The following ANKRD17 variants were observed in gnomAD, a reference collection of about 807,000 sequenced individuals.
ANKRD17 encodes the protein ankyrin repeat domain 17.
ANKRD17 carries 19 observed loss-of-function variants against 229.7 expected under a neutral mutation model. The ratio of observed to expected loss-of-function variants is 0.08; its 90% confidence interval spans 0.06 to 0.12. ANKRD17 has a LOEUF of 0.12. Among genes scored for constraint, ANKRD17 ranks in the 10% least tolerant of loss-of-function variants. The pLI is 1.00. For synonymous variants in ANKRD17, 1,112 were observed against 1,146.1 expected (o/e 0.97, Z 0.60); for missense variants, 2,176 against 3,176.8 (o/e 0.68, Z 7.57).
At chr4:73,251,571 GTAGGT>G (rs1174150417) in intron 1 of ANKRD17, among the ~76,000 whole-genome samples, 1 of 83,086 alleles carries the variant, frequency 1.2e-5, no homozygotes, top group Admixed American at 9.3e-5. Context: ...TAGGTTTGGT[GTAGGT>G]TACACCATGG....
intron 1 of ANKRD17, among the ~76,000 whole-genome samples, chr4:73,232,553 A>G (rs1419609304): frequency 6.6e-6 from 1 of 152,200 alleles, no homozygotes; most frequent in African/African-American, 2.4e-5. Flanking sequence ...ATCTTACATT[A>G]AAAGAGTCAC....
At chr4:73,166,308 T>C (rs542148343) in intron 2 of ANKRD17, among the ~76,000 whole-genome samples, 2 of 152,256 alleles carry the variant, frequency 1.3e-5, no homozygotes, top group East Asian at 3.9e-4. Context: ...TTATAAAGCT[T>C]TGGGGAAGGA....
Position 73,094,207 on chromosome 4 carries a change from T to A in ANKRD17, c.5199A>T (p.Pro1733=), listed in dbSNP as rs200509143. 6.2e-7 allele frequency: 1 copy of A among 1,613,612 alleles called. No homozygotes were observed. ...CAATCACTCTGGATATCACAGTTGA[T>A]GGAACAGATACTTTCTTTGACCTGT... The part of the protein sequence containing the change: ...VVRRSKKVSV[P]STVISRVIGR... Residue 1733 remains proline (P), a synonymous_variant, in exon 28 of 34, where the codon CCA becomes CCT. Transcript: ENST00000358602.
intron 1 of ANKRD17, among the ~76,000 whole-genome samples, chr4:73,199,902 A>G (rs1038739803): frequency 6.6e-6 from 1 of 152,218 alleles, no homozygotes; most frequent in African/African-American, 2.4e-5. Context: ...AAATGCTAAA[A>G]GTGCTCTTAT....
chr4:73,100,783 T>G (rs1723881750), intron 25 of ANKRD17: 13 of 942,624 alleles, frequency 1.4e-5, no homozygotes, highest in Non-Finnish European at 1.6e-5. Flanking sequence ...TTCTGTAGTT[T>G]GAAAATTTTC....
intron 16 of ANKRD17, among the ~76,000 whole-genome samples, chr4:73,132,107 T>C (rs980524252): frequency 7.3e-5 from 11 of 151,270 alleles, no homozygotes; most frequent in Non-Finnish European, 1.3e-4. Flanking sequence ...TAAAAACTAG[T>C]TGTTTTTTTT....
At chr4:73,230,806 A>G (rs896529877) in intron 1 of ANKRD17, among the ~76,000 whole-genome samples, 2 of 152,188 alleles carry the variant, frequency 1.3e-5, no homozygotes, top group African/African-American at 4.8e-5. Context: ...CATCCCCAGT[A>G]ATAGTTGTGT....
chr4:73,168,132 G>C lies in ANKRD17; in HGVS notation c.548-6784C>G, dbSNP rs1022084938. On this transcript the variant is annotated intron_variant, in intron 2 of 33. Coordinates refer to ENST00000358602, the MANE Select transcript of ANKRD17 (RefSeq NM_032217.5). ...CCCACCACTGTACTCCAGCCTGGGGGAGAGTGAGACTCCGTCTCAAAAAAA... is the reference window on the plus strand; with the variant it reads ...CCCACCACTGTACTCCAGCCTGGGGCAGAGTGAGACTCCGTCTCAAAAAAA... 6.6e-5 allele frequency among the ~76,000 whole-genome samples: 10 copies of C among 151,980 alleles called. No individual in the cohort carries two copies. In the South Asian group the frequency reaches 1.2e-3, roughly 19 times the overall value.
intron 1 of ANKRD17, among the ~76,000 whole-genome samples, chr4:73,209,899 T>C (rs938125840): frequency 6.6e-6 from 1 of 152,116 alleles, no homozygotes; most frequent in Non-Finnish European, 1.5e-5. Flanking sequence ...TACCCTTTGA[T>C]GATAAAAATC....
At chr4:73,249,574 C>T (rs939700233) in intron 1 of ANKRD17, among the ~76,000 whole-genome samples, 7 of 152,256 alleles carry the variant, frequency 4.6e-5, no homozygotes, top group African/African-American at 9.6e-5. Flanking sequence ...TAAGTAAAAT[C>T]GGCCGGGTGC....
At chr4:73,177,677 T>C (rs1734920235) in intron 1 of ANKRD17, 144 bp from the exon 2 acceptor site, 1 of 596,852 alleles carries the variant, frequency 1.7e-6, no homozygotes, top group Non-Finnish European at 2.8e-6. Context: ...CCCTAAAAAG[T>C]TCAACATGAC....
At chr4:73,194,309 A>T (rs1293195750) in intron 1 of ANKRD17, among the ~76,000 whole-genome samples, 1 of 152,228 alleles carries the variant, frequency 6.6e-6, no homozygotes, top group Non-Finnish European at 1.5e-5. Context: ...GTTCCAAAAC[A>T]TAGGTTGACA....
intron 16 of ANKRD17, among the ~76,000 whole-genome samples, chr4:73,133,101 T>C (rs1728434547): frequency 6.6e-6 from 1 of 151,626 alleles, no homozygotes; most frequent in African/African-American, 2.4e-5. Flanking sequence ...TACAAAAAAA[T>C]TGGCCAGGCG....
intron 1 of ANKRD17, among the ~76,000 whole-genome samples, chr4:73,188,201 A>G (rs867721222): frequency 3.2e-4 from 49 of 152,280 alleles, no homozygotes; most frequent in African/African-American, 1.2e-3. Context: ...AGGAAAAAAA[A>G]AGCCTACTAT....
chr4:73,167,090 G>C (rs1240812471), intron 2 of ANKRD17, among the ~76,000 whole-genome samples: 4 of 152,116 alleles, frequency 2.6e-5, no homozygotes, highest in African/African-American at 7.2e-5. Context: ...ATGGTGCTTA[G>C]ATTTGCTTTA....
chr4:73,158,337 C>G (rs1050352197), intron 3 of ANKRD17, among the ~76,000 whole-genome samples: 1 of 152,180 alleles, frequency 6.6e-6, no homozygotes, highest in Non-Finnish European at 1.5e-5. Context: ...TTTTACTTCT[C>G]TGGCTTTATC....
In ANKRD17 at chr4:73,091,088, T is replaced by C; in HGVS notation, c.6540A>G (p.Pro2180=). 1 of 1,613,628 alleles carries C rather than the reference T, an allele frequency of 6.2e-7. No homozygotes were observed. The highest frequency in any genetic ancestry group is 8.5e-7 in the Non-Finnish European group (1 of 1,179,926). Residue 2180 remains proline (P), a synonymous_variant, in exon 29 of 34, where the codon CCA becomes CCG. Coordinates refer to ENST00000358602, the MANE Select transcript of ANKRD17 (RefSeq NM_032217.5). ...GAGGGGCAGTTGTGCCATGAGGGGG[T>C]GGTCTAATAGCAGGGGTTTCCATTT... ...TPKMETPAIR[P]PPHGTTAPHK...
chr4:73,246,265 C>G (rs1744490561), intron 1 of ANKRD17, among the ~76,000 whole-genome samples: 1 of 152,156 alleles, frequency 6.6e-6, no homozygotes, highest in African/African-American at 2.4e-5. Flanking sequence ...TGTGTACTTC[C>G]TATTCTTCCC....
chr4:73,171,817 G>A (rs1734078576), intron 2 of ANKRD17, among the ~76,000 whole-genome samples: 1 of 152,116 alleles, frequency 6.6e-6, no homozygotes, highest in Admixed American at 6.5e-5. Flanking sequence ...AATTGATCAA[G>A]CGGAAGAAAG....
Sources: gnomAD v4.1 joint callset for allele counts (sites outside exome capture counted in the v4.1 genomes callset) on GRCh38, gnomAD v4.1.1 for gene constraint, MANE v1.5 for transcripts, NCBI Gene and HGNC (gene_info 2026-07-23, HGNC 2026-07-21) for gene names.